Variants in LSP1 observed in about 807,000 individuals in gnomAD.
LSP1 encodes lymphocyte-specific protein 1.
LSP1 carries 32 observed loss-of-function variants against 49.3 expected under a neutral mutation model. The ratio of observed to expected loss-of-function variants is 0.65; its 90% CI spans 0.49 to 0.87. The LOEUF (loss-of-function observed/expected upper bound fraction) is 0.87. Ranked by LOEUF, LSP1 falls within the 40% of genes least tolerant of loss-of-function variation. The probability of loss-of-function intolerance (pLI) is 0.00; values close to 1 mark genes in which losing one functional copy is unlikely to be tolerated. For synonymous variants in LSP1, 179 were observed against 178.8 expected (o/e 1.00, Z -0.01); for missense variants, 428 against 442.6 (o/e 0.97, Z 0.30).
intron 7 of LSP1, among the ~76,000 whole-genome samples, chr11:1,885,412 T>G (rs1435866538): frequency 6.6e-6 from 1 of 151,616 alleles, no homozygotes; most frequent in African/African-American, 2.4e-5. Context: ...CTTCATCCAA[T>G]CAATACCCCT....
In LSP1 at chr11:1,881,603, G is replaced by C. The variant is rs866185409; in HGVS notation, c.356+7G>C. On this transcript the variant is annotated splice_region_variant and intron_variant, in intron 3 of 10. Transcript: ENST00000311604. Reference sequence around the variant, plus strand: ...AGGGGGAGCAAGAGGACAGGTGAGTGAGGGCCTCGAGGGCGGGCGCTGGGC... The same window carrying C: ...AGGGGGAGCAAGAGGACAGGTGAGTCAGGGCCTCGAGGGCGGGCGCTGGGC... 2 of 1,362,816 alleles carry C rather than the reference G, an allele frequency of 1.5e-6. No individual in the cohort carries two copies. Among genetic ancestry groups the C allele is most frequent in the East Asian group, 5.5e-5 (2 of 36,662 alleles). 84.4% of individuals were successfully genotyped at this position (1,362,816 alleles called of 1,614,324 possible). A position where few individuals can be genotyped will look rare whatever the true frequency, so the allele number is the denominator to read the frequency against.
rs1589821765 is a variant in LSP1, at chr11:1,876,511, G to A, written c.54-3576G>A. 10 of 985,438 alleles carry A rather than the reference G, an allele frequency of 1.0e-5. No individual in the cohort carries two copies. In the South Asian group the frequency reaches 4.2e-4, roughly 42 times the overall value. The allele number at this position is 985,438 out of a possible 1,614,324, so 61.0% of individuals were successfully genotyped here. On this transcript the variant is annotated intron_variant, in intron 1 of 10. Coordinates refer to ENST00000311604, the MANE Select transcript of LSP1 (RefSeq NM_002339.3). ...CACTCCCCAGGACCCCAGAGAGGAC[G>A]GACCCTCTCCAGCCGCCCTCTGGGC...
At chr11:1,868,848 G>A in intron 1 of LSP1, 2 of 985,844 alleles carry the variant, frequency 2.0e-6, no homozygotes, top group Non-Finnish European at 2.4e-6. Flanking sequence ...GGGCAGAGCG[G>A]CCAGCAAGCG....
chr11:1,870,996 C>T (rs1013005966), intron 1 of LSP1: 40 of 985,494 alleles, frequency 4.1e-5, no homozygotes, highest in Non-Finnish European at 4.6e-5. Flanking sequence ...GCTCCTTGGT[C>T]CCCTCCTGCG....
intron 1 of LSP1, among the ~76,000 whole-genome samples, chr11:1,857,791 G>A (rs2133055458): frequency 1.3e-5 from 2 of 152,280 alleles, no homozygotes; most frequent in African/African-American, 4.8e-5. Flanking sequence ...GTCTCGCTCT[G>A]TTGCCCAGAC....
At chr11:1,887,845 G>A (rs1424142367) in intron 10 of LSP1, among the ~76,000 whole-genome samples, 1 of 152,156 alleles carries the variant, frequency 6.6e-6, no homozygotes, top group Non-Finnish European at 1.5e-5. Context: ...TCCCATCTGG[G>A]ACTCCCCAAA....
chr11:1,868,924 C>A, intron 1 of LSP1: 3 of 986,054 alleles, frequency 3.0e-6, no homozygotes, highest in Non-Finnish European at 3.6e-6. Context: ...GGGGAGGCAC[C>A]CTGAGGCCAG....
At chr11:1,862,438 T>G (rs1464452281) in intron 1 of LSP1, among the ~76,000 whole-genome samples, 1 of 152,238 alleles carries the variant, frequency 6.6e-6, no homozygotes, top group African/African-American at 2.4e-5. Context: ...GGAATATTCT[T>G]CCTTCTTTTG....
chr11:1,880,357 A>G, intron 2 of LSP1, 133 bp downstream of exon 2: 1 of 1,156,168 alleles, frequency 8.6e-7, no homozygotes, highest in Non-Finnish European at 1.2e-6. Flanking sequence ...GGCCCCCAGG[A>G]GCAGGCGTGG....
intron 1 of LSP1, chr11:1,868,678 G>A: frequency 2.0e-6 from 2 of 985,810 alleles, no homozygotes; most frequent in Non-Finnish European, 2.4e-6. Context: ...TGGCAGGGCT[G>A]GAAGTCGGTC....
At chr11:1,874,665 G>A (rs899995262) in intron 1 of LSP1, among the ~76,000 whole-genome samples, 2 of 152,146 alleles carry the variant, frequency 1.3e-5, no homozygotes, top group African/African-American at 4.8e-5. Context: ...GCCGGGAGGG[G>A]CCTTGGCAGA....
intron 10 of LSP1, 37 bp downstream of exon 10, chr11:1,887,613 C>A (rs1589833506): frequency 6.5e-7 from 1 of 1,533,822 alleles, no homozygotes; most frequent in South Asian, 1.1e-5. Flanking sequence ...GGATGAGGTG[C>A]ACACACGTGC....
intron 1 of LSP1, among the ~76,000 whole-genome samples, chr11:1,855,135 C>T (rs1847456147): frequency 6.6e-6 from 1 of 152,166 alleles, no homozygotes; most frequent in Non-Finnish European, 1.5e-5. Context: ...GCATGGGGTG[C>T]GCAGCCAAGC....
rs1256936963 is a variant in LSP1, at chr11:1,890,219, G to A, written c.*14-1554G>A. 5 of 716,844 alleles carry A rather than the reference G, an allele frequency of 7.0e-6. No homozygotes were observed. The South Asian group carries it at 7.4e-5, about 11-fold the overall frequency. 44.4% of individuals were successfully genotyped at this position (716,844 alleles called of 1,614,324 possible). A position where few individuals can be genotyped will look rare whatever the true frequency, so the allele number is the denominator to read the frequency against. ...TGGACTTCTGCAGGGGTGATGCCACGTGGTGGATGATGGGGGTGTGCGGGG... is the reference window on the plus strand; with the variant it reads ...TGGACTTCTGCAGGGGTGATGCCACATGGTGGATGATGGGGGTGTGCGGGG... On this transcript the variant is annotated intron_variant, in intron 10 of 10. Transcript: ENST00000311604.
chr11:1,859,187 C>T (rs975816686), intron 1 of LSP1, among the ~76,000 whole-genome samples: 4 of 152,142 alleles, frequency 2.6e-5, no homozygotes, highest in African/African-American at 7.2e-5. Flanking sequence ...GTGGTATAGA[C>T]GCAGGGGCCT....
intron 1 of LSP1, chr11:1,864,121 T>C (rs1009495670): frequency 6.6e-6 from 6 of 908,406 alleles, no homozygotes; most frequent in Non-Finnish European, 7.7e-6. Flanking sequence ...GAGACAGAGA[T>C]AGGGACAGAG....
At chr11:1,870,655 C>T (rs539737923) in intron 1 of LSP1, 13 of 1,083,240 alleles carry the variant, frequency 1.2e-5, no homozygotes, top group African/African-American at 4.9e-5. Flanking sequence ...CTGTGGCTCC[C>T]GCCCAGGTGG....
chr11:1,869,098 C>A (rs1847888469), intron 1 of LSP1: 1 of 785,832 alleles, frequency 1.3e-6, no homozygotes, highest in African/African-American at 1.9e-5. Context: ...GGGCGGGGAC[C>A]ATTAGGGAGA....
chr11:1,860,951 T>C (rs541590083), intron 1 of LSP1, among the ~76,000 whole-genome samples: 1 of 152,104 alleles, frequency 6.6e-6, no homozygotes, highest in African/African-American at 2.4e-5. Context: ...ATATGGATAA[T>C]AGATGAATAG....
Sources: gnomAD v4.1 joint callset for allele counts (sites outside exome capture counted in the v4.1 genomes callset) on GRCh38, gnomAD v4.1.1 for gene constraint, MANE v1.5 for transcripts, NCBI Gene and HGNC (gene_info 2026-07-23, HGNC 2026-07-21) for gene names.